The following GRIA4 variants were observed in gnomAD, a reference collection of about 807,000 sequenced individuals.
GRIA4 encodes glutamate ionotropic receptor AMPA type subunit 4.
A neutral mutation model predicts 104.0 loss-of-function variants in GRIA4; 34 were observed. The observed-to-expected ratio is 0.33, with a 90% CI of 0.25 to 0.44. The LOEUF (loss-of-function observed/expected upper bound fraction) is 0.44, where lower values mean the gene tolerates loss of function less well. Among genes scored for constraint, GRIA4 ranks in the 20% least tolerant of loss-of-function variants. The pLI is 1.00. For synonymous variants in GRIA4, 386 were observed against 381.9 expected (o/e 1.01, Z -0.13); for missense variants, 750 against 1,096.5 (o/e 0.68, Z 4.46).
chr11:105,883,074 A>AAAAAAC (rs911139921), intron 5 of GRIA4, among the ~76,000 whole-genome samples: 2 of 152,124 alleles, frequency 1.3e-5, no homozygotes, highest in Admixed American at 6.6e-5. Flanking sequence ...TCTGCTTCTT[A>AAAAAAC]AAAAACAAAA....
intron 3 of GRIA4, among the ~76,000 whole-genome samples, chr11:105,674,905 T>G (rs1291922229): frequency 6.6e-6 from 1 of 151,940 alleles, no homozygotes; most frequent in Non-Finnish European, 1.5e-5. Context: ...CCCATCATCT[T>G]ACAGATGAAA....
chr11:105,884,528 G>A (rs1376227323), intron 5 of GRIA4, among the ~76,000 whole-genome samples: 9 of 152,144 alleles, frequency 5.9e-5, no homozygotes, highest in Non-Finnish European at 1.3e-4. Context: ...ACTTCACAGC[G>A]TTTGTGCAGT....
intron 15 of GRIA4, among the ~76,000 whole-genome samples, chr11:105,973,005 T>G (rs1236068627): frequency 6.6e-6 from 1 of 152,230 alleles, no homozygotes; most frequent in African/African-American, 2.4e-5. Context: ...TATCCCTATA[T>G]TTTAATCATT....
intron 3 of GRIA4, among the ~76,000 whole-genome samples, chr11:105,734,120 A>C (rs942156467): frequency 6.7e-6 from 1 of 149,612 alleles, no homozygotes. Context: ...CATGGCCTTT[A>C]GACACTGACA....
rs1028923516 is a variant in GRIA4, at chr11:105,889,607, A to G, written c.726+2035A>G. 5.9e-5 allele frequency among the ~76,000 whole-genome samples: 9 copies of G among 152,174 alleles called. No homozygotes were observed. The South Asian group carries it at 6.2e-4, about 10-fold the overall frequency. ...AAAAATTACATCAACATCATACTTA[A>G]GGTTGAAAGACTGAATGATTTTCCC... On this transcript the variant is annotated intron_variant, in intron 6 of 16. Transcript: ENST00000282499.
At chr11:105,664,201 G>T (rs570078515) in intron 3 of GRIA4, among the ~76,000 whole-genome samples, 2 of 149,582 alleles carry the variant, frequency 1.3e-5, no homozygotes, top group South Asian at 2.1e-4. Flanking sequence ...GATTAGGAAA[G>T]GTCTCTCATA....
chr11:105,616,192 G>C (rs895514730), intron 3 of GRIA4, among the ~76,000 whole-genome samples: 6 of 151,526 alleles, frequency 4.0e-5, no homozygotes, highest in Non-Finnish European at 7.4e-5. Flanking sequence ...ATTTTAAAGT[G>C]ATTTTTTTAT....
chr11:105,723,171 A>G (rs1937950372), intron 3 of GRIA4, among the ~76,000 whole-genome samples: 1 of 152,148 alleles, frequency 6.6e-6, no homozygotes, highest in Admixed American at 6.6e-5. Flanking sequence ...ATCAATGAGA[A>G]AGGAAATGCT....
At chr11:105,927,663 G>GT (rs576487049) in intron 13 of GRIA4, among the ~76,000 whole-genome samples, 1 of 151,384 alleles carries the variant, frequency 6.6e-6, no homozygotes, top group Non-Finnish European at 1.5e-5. Context: ...TTTTATTTTA[G>GT]TTTTTTTTAG....
chr11:105,886,728 T>A (rs940057267), intron 5 of GRIA4, among the ~76,000 whole-genome samples: 2 of 152,184 alleles, frequency 1.3e-5, no homozygotes, highest in Non-Finnish European at 2.9e-5. Flanking sequence ...GTTACAAAGC[T>A]GCTCATTAGT....
intron 3 of GRIA4, chr11:105,613,692 A>C (rs1466055888): frequency 6.6e-6 from 1 of 152,126 alleles, no homozygotes; most frequent in Non-Finnish European, 1.5e-5. Context: ...AACATGATAA[A>C]ATTTTCTTAA....
intron 4 of GRIA4, among the ~76,000 whole-genome samples, chr11:105,825,797 T>G (rs1015745420): frequency 1.3e-5 from 2 of 152,042 alleles, no homozygotes; most frequent in Admixed American, 1.3e-4. Context: ...TTTGTGGCTC[T>G]TTTGAATTGG....
chr11:105,924,586 ACAT>A lies in GRIA4; in HGVS notation c.1665_1667del (p.Ile556del). On this transcript the variant is annotated inframe_deletion, in exon 12 of 17. Coordinates refer to ENST00000282499, the MANE Select transcript of GRIA4 (RefSeq NM_000829.4). ...ATTTGGATGTGCATAGTCTTTGCCT[ACAT>A]TGGTGTCAGCGTGGTCTTATTCCTA... 6.2e-7 allele frequency: 1 copy of A among 1,612,724 alleles called. No individual in the cohort carries two copies. The highest frequency in any genetic ancestry group is 8.5e-7 in the Non-Finnish European group (1 of 1,178,966).
intron 6 of GRIA4, among the ~76,000 whole-genome samples, chr11:105,889,056 G>C (rs1344047928): frequency 6.6e-6 from 1 of 152,048 alleles, no homozygotes; most frequent in African/African-American, 2.4e-5. Context: ...GACTTTTATA[G>C]CAAATAGGTT....
intron 15 of GRIA4, 147 bp from the exon 16 acceptor site, chr11:105,974,163 A>T (rs1858848863): frequency 1.4e-6 from 1 of 740,616 alleles, no homozygotes; most frequent in Admixed American, 2.4e-5. Context: ...GTTTAAGTCC[A>T]TTAGCCTACA....
At chr11:105,730,203 T>C (rs918279804) in intron 3 of GRIA4, among the ~76,000 whole-genome samples, 1 of 152,158 alleles carries the variant, frequency 6.6e-6, no homozygotes, top group African/African-American at 2.4e-5. Context: ...AAAATCAATG[T>C]GCAAAAATCA....
At chr11:105,649,810 G>GAGGTAGATTT (rs1951635162) in intron 3 of GRIA4, among the ~76,000 whole-genome samples, 1 of 151,936 alleles carries the variant, frequency 6.6e-6, no homozygotes, top group African/African-American at 2.4e-5. Context: ...CAACAACACA[G>GAGGTAGATTT]AGGTAGATTT....
intron 10 of GRIA4, chr11:105,913,340 T>C: frequency 1.6e-6 from 1 of 616,140 alleles, no homozygotes; most frequent in Non-Finnish European, 2.0e-6. Context: ...GTTGTATATC[T>C]ACAATGTGAT....
At chr11:105,902,314 T>C (rs1347399797) in intron 7 of GRIA4, among the ~76,000 whole-genome samples, 1 of 151,946 alleles carries the variant, frequency 6.6e-6, no homozygotes, top group Non-Finnish European at 1.5e-5. Context: ...TGCCTAAGTT[T>C]ACTTTCTTTT....
Sources: allele counts gnomAD v4.1 joint callset (sites outside exome capture counted in the v4.1 genomes callset), GRCh38; gene constraint gnomAD v4.1.1; transcripts MANE v1.5; gene names NCBI Gene and HGNC (gene_info 2026-07-23, HGNC 2026-07-21).